Variants in REDIC1 observed in about 807,000 individuals in gnomAD.
The protein encoded by REDIC1 is regulator of DNA class I crossover intermediates 1.
At chr12:39,851,163 G>A in the REDIC1 span, among the ~76,000 whole-genome samples, 2,144 of 152,246 alleles carry the variant, frequency 0.014, 38 homozygotes, top group African/African-American at 0.047. Context: ...GCCTCACAAA[G>A]TGCTGAGATT....
the REDIC1 span, among the ~76,000 whole-genome samples, chr12:39,905,506 T>G: frequency 6.6e-6 from 1 of 152,164 alleles, no homozygotes; most frequent in Non-Finnish European, 1.5e-5. Context: ...GGCATTTTTC[T>G]CTTTCTCATT....
chr12:39,679,046 G>A, the REDIC1 span, among the ~76,000 whole-genome samples: 4 of 152,064 alleles, frequency 2.6e-5, no homozygotes, highest in African/African-American at 9.7e-5. Context: ...AACAAGACAA[G>A]GATGCCCACT....
chr12:39,862,418 G>A, the REDIC1 span, among the ~76,000 whole-genome samples: 6,512 of 152,232 alleles, frequency 0.043, 221 homozygotes, highest in African/African-American at 0.095. Context: ...ACAAGTGGAC[G>A]TGCTGAGTCA....
At chr12:39,803,816 T>C in the REDIC1 span, among the ~76,000 whole-genome samples, 3 of 152,086 alleles carry the variant, frequency 2.0e-5, no homozygotes, top group Admixed American at 2.0e-4. Context: ...GTAAGTAATA[T>C]CTGAAAATAT....
the REDIC1 span, among the ~76,000 whole-genome samples, chr12:39,644,131 AAATT>A: frequency 6.6e-6 from 1 of 151,780 alleles, no homozygotes; most frequent in Non-Finnish European, 1.5e-5. Flanking sequence ...GTGTTATATA[AAATT>A]AATTTATTAG....
the REDIC1 span, among the ~76,000 whole-genome samples, chr12:39,896,060 ATACATATATGTATACACGTG>A: frequency 4.3e-5 from 5 of 117,638 alleles, no homozygotes; most frequent in South Asian, 1.1e-3. Context: ...GTATATATGC[ATACATATATGTATACACGTG>A]TACATATATG....
the REDIC1 span, among the ~76,000 whole-genome samples, chr12:39,728,354 G>A: frequency 6.6e-6 from 1 of 152,092 alleles, no homozygotes; most frequent in Non-Finnish European, 1.5e-5. Context: ...TAGCATGAAG[G>A]GGTGTTGAAT....
the REDIC1 span, among the ~76,000 whole-genome samples, chr12:39,868,997 A>G: frequency 1.3e-5 from 2 of 152,334 alleles, no homozygotes; most frequent in East Asian, 3.9e-4. Context: ...AATAAAATAA[A>G]TCATAGTAAG....
the REDIC1 span, among the ~76,000 whole-genome samples, chr12:39,641,438 T>C: frequency 6.6e-6 from 1 of 151,740 alleles, no homozygotes; most frequent in African/African-American, 2.4e-5. Flanking sequence ...TTTGGATATG[T>C]ACAAGATTTG....
the REDIC1 span, among the ~76,000 whole-genome samples, chr12:39,900,637 T>A: frequency 6.6e-6 from 1 of 152,118 alleles, no homozygotes; most frequent in Non-Finnish European, 1.5e-5. Context: ...ACAAGGGACG[T>A]GAAGGACCTC....
chr12:39,668,631 A>G, the REDIC1 span, among the ~76,000 whole-genome samples: 2 of 152,238 alleles, frequency 1.3e-5, no homozygotes, highest in African/African-American at 4.8e-5. Flanking sequence ...GTTCTCCTGG[A>G]TAATATCCTG....
chr12:39,714,084 C>CGTATGTATACGTGTATACGT, the REDIC1 span, among the ~76,000 whole-genome samples: 1 of 56,612 alleles, frequency 1.8e-5, no homozygotes, highest in South Asian at 5.2e-4. Flanking sequence ...TGTATATACA[C>CGTATGTATACGTGTATACGT]ATATATGTAC....
chr12:39,696,468 G>A, the REDIC1 span, among the ~76,000 whole-genome samples: 27 of 142,240 alleles, frequency 1.9e-4, no homozygotes, highest in East Asian at 6.2e-4. Context: ...GCGTGAACCC[G>A]GGAGGCGGAG....
chr12:39,850,213 A>G, the REDIC1 span, among the ~76,000 whole-genome samples: 1 of 152,214 alleles, frequency 6.6e-6, no homozygotes, highest in East Asian at 1.9e-4. Context: ...AGGAGTTAGT[A>G]CTTTAATGCA....
At chr12:39,889,255 G>T in the REDIC1 span, among the ~76,000 whole-genome samples, 1 of 151,740 alleles carries the variant, frequency 6.6e-6, no homozygotes, top group East Asian at 1.9e-4. Context: ...CCCCAAATTT[G>T]TTATCAATAT....
chr12:39,737,114 G>C, the REDIC1 span, among the ~76,000 whole-genome samples: 1 of 152,002 alleles, frequency 6.6e-6, no homozygotes, highest in African/African-American at 2.4e-5. Flanking sequence ...TAATATATAT[G>C]GCTCCAAATA....
the REDIC1 span, among the ~76,000 whole-genome samples, chr12:39,652,905 A>T: frequency 6.6e-6 from 1 of 152,066 alleles, no homozygotes; most frequent in East Asian, 1.9e-4. Context: ...TTATGTTAGT[A>T]CCAAACTGTC....
chr12:39,805,902 T>C, the REDIC1 span, among the ~76,000 whole-genome samples: 2 of 152,190 alleles, frequency 1.3e-5, no homozygotes, highest in African/African-American at 4.8e-5. Context: ...GGGCAGGATT[T>C]GCTTAGTTTC....
At chr12:39,730,940 G>A in the REDIC1 span, among the ~76,000 whole-genome samples, 7 of 151,464 alleles carry the variant, frequency 4.6e-5, no homozygotes, top group Non-Finnish European at 7.4e-5. Context: ...CTGCTTGATT[G>A]ATTTGGCTAT....
Sources: allele counts gnomAD v4.1 joint callset (sites outside exome capture counted in the v4.1 genomes callset), GRCh38; gene constraint gnomAD v4.1.1; transcripts MANE v1.5; gene names NCBI Gene and HGNC (gene_info 2026-07-23, HGNC 2026-07-21).